ADGRV1: variants seen among roughly 807,000 people sequenced by gnomAD.
The protein encoded by ADGRV1 is adhesion G protein-coupled receptor V1, also known as G-protein coupled receptor 98.
Under a neutral mutation model 596.2 loss-of-function variants are expected in ADGRV1, and 359 were observed. That is an observed-to-expected ratio of 0.60 (90% CI 0.55 to 0.66). The LOEUF (loss-of-function observed/expected upper bound fraction) is 0.66. Ranked by LOEUF, ADGRV1 falls within the 30% of genes least tolerant of loss-of-function variation. ADGRV1 has a pLI of 0.00. For synonymous variants in ADGRV1, 2,681 were observed against 2,679.2 expected (o/e 1.00, Z -0.02); for missense variants, 7,274 against 7,575.6 (o/e 0.96, Z 1.48).
chr5:91,009,043 A>C (rs765619537), intron 85 of ADGRV1, among the ~76,000 whole-genome samples: 3 of 152,156 alleles, frequency 2.0e-5, no homozygotes, highest in Non-Finnish European at 4.4e-5. Context: ...TTATCCTCAG[A>C]TAATCTGTTG....
intron 1 of ADGRV1, among the ~76,000 whole-genome samples, chr5:90,611,622 G>T (rs1440282994): frequency 6.6e-6 from 1 of 151,714 alleles, no homozygotes; most frequent in Non-Finnish European, 1.5e-5. Flanking sequence ...TACAAATTAC[G>T]CACATCATGA....
At chr5:90,964,289 A>AT (rs1457858583) in intron 83 of ADGRV1, among the ~76,000 whole-genome samples, 3 of 152,208 alleles carry the variant, frequency 2.0e-5, no homozygotes, top group Admixed American at 6.5e-5. Flanking sequence ...GTTTTAAGGC[A>AT]TAAGTCAACT....
At chr5:91,002,389 C>G (rs1410152750) in intron 85 of ADGRV1, among the ~76,000 whole-genome samples, 1 of 152,162 alleles carries the variant, frequency 6.6e-6, no homozygotes, top group East Asian at 1.9e-4. Context: ...TCCAGCTTGT[C>G]TGCTATGAAA....
intron 67 of ADGRV1, among the ~76,000 whole-genome samples, chr5:90,785,102 C>G (rs1280295198): frequency 3.3e-5 from 5 of 152,158 alleles, no homozygotes; most frequent in Non-Finnish European, 7.4e-5. Context: ...ACAGAGGCCT[C>G]AAAAATAACA....
At chr5:90,819,872 C>T (rs956067964) in intron 75 of ADGRV1, among the ~76,000 whole-genome samples, 3 of 151,944 alleles carry the variant, frequency 2.0e-5, no homozygotes, top group African/African-American at 7.3e-5. Flanking sequence ...TGGTGTGGTG[C>T]TGAAAAAAAT....
intron 74 of ADGRV1, among the ~76,000 whole-genome samples, chr5:90,813,983 A>G (rs1762682746): frequency 6.6e-6 from 1 of 152,174 alleles, no homozygotes; most frequent in Non-Finnish European, 1.5e-5. Context: ...GTGTTTTTTC[A>G]TTAGAATCAT....
chr5:90,722,683 C>T (rs1296257594), intron 45 of ADGRV1, among the ~76,000 whole-genome samples: 1 of 114,462 alleles, frequency 8.7e-6, no homozygotes, highest in African/African-American at 3.4e-5. Context: ...CCATTGCACT[C>T]CAGCCTGGGC....
In ADGRV1 at chr5:90,674,036, G is replaced by A; in HGVS notation, c.4930-18G>A. On this transcript the variant is annotated intron_variant, in intron 22 of 89. Transcript: ENST00000405460. ...AAATGCCTCATTGCTTAGTGCCTCTGGATATTTATATTTTTAGGTTCTGAA... is the reference window on the plus strand; with the variant it reads ...AAATGCCTCATTGCTTAGTGCCTCTAGATATTTATATTTTTAGGTTCTGAA... 1 of 1,575,400 alleles carries A rather than the reference G, an allele frequency of 6.3e-7. No homozygotes were observed.
intron 31 of ADGRV1, 142 bp from the exon 32 acceptor site, chr5:90,692,463 G>T (rs1413434929): frequency 1.6e-6 from 1 of 620,450 alleles, no homozygotes; most frequent in East Asian, 2.9e-5. Flanking sequence ...AGTGTAATTG[G>T]GGAGTTCTTT....
At chr5:91,086,591 T>C (rs1789896248) in intron 86 of ADGRV1, among the ~76,000 whole-genome samples, 1 of 152,212 alleles carries the variant, frequency 6.6e-6, no homozygotes, top group South Asian at 2.1e-4. Flanking sequence ...TTAGAATCTC[T>C]GGTGATGAAG....
chr5:90,727,728 T>C (rs1390551064), intron 48 of ADGRV1, among the ~76,000 whole-genome samples: 1 of 152,136 alleles, frequency 6.6e-6, no homozygotes, highest in Non-Finnish European at 1.5e-5. Context: ...CCTGTTTAGG[T>C]GATTAATTAT....
chr5:90,928,123 T>G (rs1247281011), intron 83 of ADGRV1, among the ~76,000 whole-genome samples: 1 of 152,134 alleles, frequency 6.6e-6, no homozygotes, highest in Non-Finnish European at 1.5e-5. Context: ...AAGTTGCTCT[T>G]CTCGAGGAGT....
At chr5:90,668,067 GTC>G (rs1398837077) in intron 21 of ADGRV1, among the ~76,000 whole-genome samples, 24 of 151,992 alleles carry the variant, frequency 1.6e-4, no homozygotes, top group Middle Eastern at 6.8e-3. Context: ...CTTTTTGTTT[GTC>G]TGTGCCCTGC....
chr5:90,851,539 A>C (rs1042346606), intron 79 of ADGRV1, among the ~76,000 whole-genome samples: 2 of 152,136 alleles, frequency 1.3e-5, no homozygotes, highest in Non-Finnish European at 2.9e-5. Flanking sequence ...GAGGAGAATG[A>C]CGGAATCTAG....
intron 89 of ADGRV1, among the ~76,000 whole-genome samples, chr5:91,162,658 A>C (rs534563021): frequency 6.6e-6 from 1 of 152,268 alleles, no homozygotes; most frequent in South Asian, 2.1e-4. Context: ...CAAAGAGAGG[A>C]AGTGGAGTTT....
chr5:91,074,276 G>A (rs1377719085), intron 86 of ADGRV1, among the ~76,000 whole-genome samples: 2 of 152,092 alleles, frequency 1.3e-5, no homozygotes, highest in East Asian at 3.9e-4. Context: ...TCACCACCCA[G>A]GTAATAAGCA....
chr5:90,979,659 A>C lies in ADGRV1; in HGVS notation c.17974-5685A>C, dbSNP rs1162699859. Among the ~76,000 whole-genome samples, 4 of 152,228 alleles carry C rather than the reference A, an allele frequency of 2.6e-5. No homozygotes were observed. The East Asian group carries it at 7.7e-4, about 29-fold the overall frequency. ...TTGTAAGATCTGTGTTGCTGCTAAA[A>C]AAACATAGTCTGCATACATCCATGC... On this transcript the variant is annotated intron_variant, in intron 84 of 89. Transcript: ENST00000405460.
At chr5:90,667,598 T>C (rs1771661592) in intron 21 of ADGRV1, among the ~76,000 whole-genome samples, 1 of 150,410 alleles carries the variant, frequency 6.6e-6, no homozygotes, top group Non-Finnish European at 1.5e-5. Flanking sequence ...TCTGAAGCCT[T>C]CTTCTCTCAG....
chr5:91,106,608 T>C (rs1429166945), intron 87 of ADGRV1, among the ~76,000 whole-genome samples: 1 of 152,154 alleles, frequency 6.6e-6, no homozygotes, highest in Non-Finnish European at 1.5e-5. Flanking sequence ...ATGAGGAGCA[T>C]GAGATAACTA....
Sources: gnomAD v4.1 joint callset for allele counts (sites outside exome capture counted in the v4.1 genomes callset) on GRCh38, gnomAD v4.1.1 for gene constraint, MANE v1.5 for transcripts, NCBI Gene and HGNC (gene_info 2026-07-23, HGNC 2026-07-21) for gene names.